The following SERTAD4 variants were observed in gnomAD, a reference collection of about 807,000 sequenced individuals.
SERTAD4 encodes the protein SERTA domain-containing protein 4.
A neutral mutation model predicts 32.9 loss-of-function variants in SERTAD4; 18 were observed. The observed-to-expected ratio is 0.55, with a 90% CI of 0.38 to 0.81. SERTAD4 has a LOEUF of 0.81. Ranked by LOEUF, SERTAD4 falls within the 30% of genes least tolerant of loss-of-function variation. The probability of loss-of-function intolerance (pLI) is 0.00; values close to 1 mark genes in which losing one functional copy is unlikely to be tolerated. For missense variants in SERTAD4, 383 were observed against 426.0 expected (o/e 0.90, Z 0.89); for synonymous variants, 150 against 156.4 (o/e 0.96, Z 0.30).
intron 1 of SERTAD4, chr1:210,237,573 TAGAA>T (rs571484375): frequency 9.8e-5 from 17 of 174,196 alleles, no homozygotes; most frequent in Non-Finnish European, 1.3e-4. Context: ...GCCTTATTAA[TAGAA>T]AGGAAGCGCA....
chr1:210,239,032 C>T (rs1344480966), intron 2 of SERTAD4, among the ~76,000 whole-genome samples: 1 of 152,016 alleles, frequency 6.6e-6, no homozygotes, highest in Admixed American at 6.6e-5. Context: ...TCCCAATGTG[C>T]AGATAACCAT....
rs2084028030 is a variant in SERTAD4, at chr1:210,244,385, T to A, written c.*2048T>A. 1 of 152,206 alleles carries A rather than the reference T, an allele frequency of 6.6e-6. No individual in the cohort carries two copies. The highest frequency in any genetic ancestry group is 1.5e-5 in the Non-Finnish European group (1 of 68,036). 9.4% of individuals were successfully genotyped at this position (152,206 alleles called of 1,614,324 possible). ...TAAAGATTTTCCTTTCTGGAGTGTC[T>A]CTGAAAAAAATTGTATAACACGAAG... On this transcript the variant is annotated 3_prime_UTR_variant, in exon 4 of 4. Transcript: ENST00000367012.
chr1:210,240,875 A>C (rs1024574233), intron 3 of SERTAD4, among the ~76,000 whole-genome samples: 1 of 152,374 alleles, frequency 6.6e-6, no homozygotes, highest in East Asian at 1.9e-4. Flanking sequence ...AAAGAGGGAC[A>C]GCATTAAAAG....
chr1:210,241,531 T>C, intron 3 of SERTAD4, 27 bp from the exon 4 acceptor site: 6 of 1,507,224 alleles, frequency 4.0e-6, no homozygotes, highest in Non-Finnish European at 4.4e-6. Flanking sequence ...TGTTTGTTTT[T>C]TTCTTTTTTT....
Position 210,243,091 on chromosome 1 carries a change from GACAAAAAAAAAAA to G in SERTAD4, c.*756_*768del. 1 of 74,550 alleles carries G rather than the reference GACAAAAAAAAAAA, an allele frequency of 1.3e-5. No homozygotes were observed. Among genetic ancestry groups the G allele is most frequent in the African/African-American group, 1.7e-4 (1 of 5,952 alleles). The allele number at this position is 74,550 out of a possible 1,614,324, so 4.6% of individuals were successfully genotyped here. ...GTTACAGCAGGGATTTAACAAACAG[GACAAAAAAAAAAA>G]AAAAAAAAAAACCACAGGGTGGATC... On this transcript the variant is annotated 3_prime_UTR_variant, in exon 4 of 4. Coordinates refer to ENST00000367012, the MANE Select transcript of SERTAD4 (RefSeq NM_019605.5).
intron 3 of SERTAD4, 32 bp from the exon 4 acceptor site, chr1:210,241,526 G>GTTTTTT: frequency 2.8e-6 from 4 of 1,431,920 alleles, no homozygotes; most frequent in South Asian, 1.5e-5. Context: ...TTTTCTGTTT[G>GTTTTTT]TTTTTTTCTT....
chr1:210,233,922 C>A (rs1157784940), intron 1 of SERTAD4: 3 of 430,596 alleles, frequency 7.0e-6, no homozygotes, highest in Non-Finnish European at 1.4e-5. Context: ...CCCTGCCAGC[C>A]GCTGTGAGTC....
At chr1:210,233,842 G>C (rs979083818) in intron 1 of SERTAD4, 1 of 468,406 alleles carries the variant, frequency 2.1e-6, no homozygotes, top group Non-Finnish European at 4.4e-6. Flanking sequence ...GCCGGCAAGG[G>C]AGGGAGGGAA....
At chr1:210,234,239 C>T (rs1049379178) in intron 1 of SERTAD4, among the ~76,000 whole-genome samples, 1 of 151,848 alleles carries the variant, frequency 6.6e-6, no homozygotes, top group Non-Finnish European at 1.5e-5. Flanking sequence ...TGGTGGCTGC[C>T]GCCCGCCTTC....
rs939297131 is a variant in SERTAD4 at position 210,243,171 on chromosome 1, G to A, written c.*834G>A. 26 of 964,498 alleles carry A rather than the reference G, an allele frequency of 2.7e-5. No homozygotes were observed. The highest frequency in any genetic ancestry group is 1.1e-3 in the Middle Eastern group (2 of 1,896). 59.7% of individuals were successfully genotyped at this position (964,498 alleles called of 1,614,324 possible). ...TGTTAACTTTGAACTATTGTGTTCA[G>A]CTTTTGATTCGACATCTCTATTCTT... On this transcript the variant is annotated 3_prime_UTR_variant, in exon 4 of 4. Transcript: ENST00000367012.
chr1:210,235,703 T>C (rs2083934424), intron 1 of SERTAD4, among the ~76,000 whole-genome samples: 1 of 152,142 alleles, frequency 6.6e-6, no homozygotes, highest in Non-Finnish European at 1.5e-5. Flanking sequence ...AAAAAGTTAT[T>C]AAAATATAAA....
In SERTAD4 at chr1:210,243,245, A is replaced by G; in HGVS notation, c.*908A>G. ...TGGATTCGCCGTTTTTTCAATAGGGATGGAGGAAATGAGAGAGAGAGCTGT... is the reference window on the plus strand; with the variant it reads ...TGGATTCGCCGTTTTTTCAATAGGGGTGGAGGAAATGAGAGAGAGAGCTGT... On this transcript the variant is annotated 3_prime_UTR_variant, in exon 4 of 4. Coordinates refer to ENST00000367012, the MANE Select transcript of SERTAD4 (RefSeq NM_019605.5). 1.8e-6 allele frequency: 1 copy of G among 565,628 alleles called. No individual in the cohort carries two copies. Among genetic ancestry groups the G allele is most frequent in the Non-Finnish European group, 2.2e-6 (1 of 448,316 alleles). The allele number at this position is 565,628 out of a possible 1,614,324, so 35.0% of individuals were successfully genotyped here. A position where few individuals can be genotyped will look rare whatever the true frequency, so the allele number is the denominator to read the frequency against.
At position 210,243,742 on chromosome 1, in the gene SERTAD4, A is replaced by G. The variant is rs1230942285; in HGVS notation, c.*1405A>G. 6.6e-6 allele frequency: 1 copy of G among 152,206 alleles called. No individual in the cohort carries two copies. The highest frequency in any genetic ancestry group is 1.5e-5 in the Non-Finnish European group (1 of 68,032). The allele number at this position is 152,206 out of a possible 1,614,324, so 9.4% of individuals were successfully genotyped here. On this transcript the variant is annotated 3_prime_UTR_variant, in exon 4 of 4. Coordinates refer to ENST00000367012, the MANE Select transcript of SERTAD4 (RefSeq NM_019605.5). ...CTGTATTCCAGTTTCCAAGTTTACT[A>G]ATTGACTTGGGCCTGTTCAAATAAT...
Position 210,243,066 on chromosome 1 carries a change from G to T in SERTAD4, c.*729G>T, listed in dbSNP as rs2084014982. Reference sequence around the variant, plus strand: ...ATGTGAAAATTAAGGATAAATCAGAGTTACAGCAGGGATTTAACAAACAGG... The same window carrying T: ...ATGTGAAAATTAAGGATAAATCAGATTTACAGCAGGGATTTAACAAACAGG... On this transcript the variant is annotated 3_prime_UTR_variant, in exon 4 of 4. Coordinates refer to ENST00000367012, the MANE Select transcript of SERTAD4 (RefSeq NM_019605.5). The T allele has an allele frequency of 4.2e-6, 1 of 236,142 alleles. No individual in the cohort carries two copies. The highest frequency in any genetic ancestry group is 5.7e-6 in the Non-Finnish European group (1 of 175,378). The allele number at this position is 236,142 out of a possible 1,614,324, so 14.6% of individuals were successfully genotyped here. A position where few individuals can be genotyped will look rare whatever the true frequency, so the allele number is the denominator to read the frequency against.
intron 1 of SERTAD4, among the ~76,000 whole-genome samples, chr1:210,234,944 A>C (rs1322550185): frequency 6.6e-6 from 1 of 152,212 alleles, no homozygotes; most frequent in East Asian, 1.9e-4. Context: ...AAAGCTTGGC[A>C]TTCTAGCCCT....
At chr1:210,238,341 C>T (rs1022889566) in intron 2 of SERTAD4, among the ~76,000 whole-genome samples, 1 of 152,186 alleles carries the variant, frequency 6.6e-6, no homozygotes, top group African/African-American at 2.4e-5. Context: ...TGCATTCAAA[C>T]CTGTGTCTAC....
Position 210,242,493 on chromosome 1 carries a change from C to A in SERTAD4, c.*156C>A. On this transcript the variant is annotated 3_prime_UTR_variant, in exon 4 of 4. Coordinates refer to ENST00000367012, the MANE Select transcript of SERTAD4 (RefSeq NM_019605.5). The surrounding 1 kb of genome is among the most constrained non-coding windows in gnomAD (Gnocchi z 4.0). ...TGCCTGGAGAGCAGATTGCGTAAAA[C>A]ATCTGTATAGCAGGCATCAGCGAGC... 7.0e-7 allele frequency: 1 copy of A among 1,421,228 alleles called. No individual in the cohort carries two copies. Among genetic ancestry groups the A allele is most frequent in the Non-Finnish European group, 9.1e-7 (1 of 1,095,126 alleles). 88.0% of individuals were successfully genotyped at this position (1,421,228 alleles called of 1,614,324 possible).
chr1:210,235,673 C>A (rs2083933970), intron 1 of SERTAD4, among the ~76,000 whole-genome samples: 1 of 152,122 alleles, frequency 6.6e-6, no homozygotes, highest in South Asian at 2.1e-4. Context: ...AAATTCCTCA[C>A]AACCAAAAAA....
Position 210,242,599 on chromosome 1 carries a change from G to A in SERTAD4, c.*262G>A. 1.7e-6 allele frequency: 2 copies of A among 1,185,800 alleles called. No homozygotes were observed. Among genetic ancestry groups the A allele is most frequent in the African/African-American group, 1.6e-5 (1 of 63,362 alleles). The allele number at this position is 1,185,800 out of a possible 1,614,324, so 73.5% of individuals were successfully genotyped here. A position where few individuals can be genotyped will look rare whatever the true frequency, so the allele number is the denominator to read the frequency against. ...TATATCATAGTTTTCTTACGGAAAA[G>A]ATCAGTAGATGAGATTGGGGGACAA... On this transcript the variant is annotated 3_prime_UTR_variant, in exon 4 of 4. Transcript: ENST00000367012. This position sits in a 1 kb window ranked among gnomAD's most constrained non-coding sequence, Gnocchi z 4.0.
Sources: allele counts gnomAD v4.1 joint callset (sites outside exome capture counted in the v4.1 genomes callset), GRCh38; gene constraint gnomAD v4.1.1; non-coding constraint Gnocchi (gnomAD v3.1); transcripts MANE v1.5; gene names NCBI Gene and HGNC (gene_info 2026-07-23, HGNC 2026-07-21).